The following MACROD2 variants were observed in gnomAD, a reference collection of about 807,000 sequenced individuals.
MACROD2 encodes the protein ADP-ribose glycohydrolase MACROD2.
Under a neutral mutation model 70.4 loss-of-function variants are expected in MACROD2, and 36 were observed. That is an observed-to-expected ratio of 0.51 (90% CI 0.39 to 0.68). MACROD2 has a LOEUF of 0.68. Among genes scored for constraint, MACROD2 ranks in the 30% least tolerant of loss-of-function variants. The pLI is 0.00. For synonymous variants in MACROD2, 172 were observed against 178.8 expected (o/e 0.96, Z 0.30); for missense variants, 496 against 538.4 (o/e 0.92, Z 0.78).
chr20:14,152,068 G>C (rs894863491), intron 3 of MACROD2, among the ~76,000 whole-genome samples: 3 of 152,016 alleles, frequency 2.0e-5, no homozygotes, highest in African/African-American at 7.2e-5. Context: ...TGATCTGCCC[G>C]CGTCAGCCTC....
intron 5 of MACROD2, among the ~76,000 whole-genome samples, chr20:14,879,595 G>A (rs907707085): frequency 6.6e-6 from 1 of 152,188 alleles, no homozygotes; most frequent in Non-Finnish European, 1.5e-5. Flanking sequence ...ACATAAGCCT[G>A]CTTTGTTAGT....
intron 5 of MACROD2, among the ~76,000 whole-genome samples, chr20:14,878,288 C>T (rs187497997): frequency 1.9e-4 from 29 of 152,192 alleles, no homozygotes; most frequent in Non-Finnish European, 3.1e-4. Flanking sequence ...GCCTGTATGG[C>T]ATTTGTACGC....
At chr20:14,358,352 T>C (rs904372611) in intron 3 of MACROD2, among the ~76,000 whole-genome samples, 2 of 151,940 alleles carry the variant, frequency 1.3e-5, no homozygotes, top group African/African-American at 4.9e-5. Context: ...TTTTTATTCA[T>C]TGAACATATA....
At chr20:16,020,644 A>G (rs1341486196) in intron 15 of MACROD2, among the ~76,000 whole-genome samples, 3 of 150,464 alleles carry the variant, frequency 2.0e-5, no homozygotes, top group Admixed American at 1.3e-4. Context: ...TTGATTGTCT[A>G]TCTCATACTT....
chr20:15,288,609 T>A (rs1476802838), intron 6 of MACROD2, among the ~76,000 whole-genome samples: 1 of 152,134 alleles, frequency 6.6e-6, no homozygotes, highest in Non-Finnish European at 1.5e-5. Flanking sequence ...TGCTCCTTTT[T>A]CTCTTCCGGA....
chr20:15,111,040 G>T (rs912755057), intron 5 of MACROD2, among the ~76,000 whole-genome samples: 28 of 152,128 alleles, frequency 1.8e-4, no homozygotes, highest in African/African-American at 6.5e-4. Context: ...TGAAGTCACA[G>T]AGCCACAGAG....
At chr20:15,214,257 G>A (rs1196876050) in intron 5 of MACROD2, among the ~76,000 whole-genome samples, 1 of 152,130 alleles carries the variant, frequency 6.6e-6, no homozygotes, top group African/African-American at 2.4e-5. Context: ...ACCATATGCT[G>A]CTAGCAACTG....
intron 3 of MACROD2, among the ~76,000 whole-genome samples, chr20:14,272,096 C>A (rs2082201430): frequency 6.6e-6 from 1 of 151,902 alleles, no homozygotes; most frequent in Non-Finnish European, 1.5e-5. Context: ...GAGAACTTCC[C>A]CAATCTAGTA....
intron 8 of MACROD2, among the ~76,000 whole-genome samples, chr20:15,627,646 GC>G (rs913779307): frequency 6.6e-6 from 1 of 152,084 alleles, no homozygotes; most frequent in Admixed American, 6.5e-5. Context: ...GTTGGTGGGG[GC>G]CAGGTGGAGT....
In MACROD2 at chr20:15,505,389, G is replaced by A. The variant is rs1408459986; in HGVS notation, c.645+5542G>A. On this transcript the variant is annotated intron_variant, in intron 8 of 17. Coordinates refer to ENST00000684519, the MANE Select transcript of MACROD2 (RefSeq NM_001351661.2). ...ACCCTAAAGTACTGATCAAGGATTA[G>A]TTGTAACATGAAGGAAACCTGAACC... Among the ~76,000 whole-genome samples the A allele has an allele frequency of 3.3e-5, 5 of 152,150 alleles. No individual in the cohort carries two copies. In the East Asian group the frequency reaches 9.6e-4, roughly 29 times the overall value.
chr20:14,955,333 A>C, intron 5 of MACROD2, among the ~76,000 whole-genome samples: 1 of 144,202 alleles, frequency 6.9e-6, no homozygotes, highest in East Asian at 2.0e-4. Context: ...TATAACATAT[A>C]CTATATAATT....
At position 14,839,322 on chromosome 20, in the gene MACROD2, T is replaced by C. The variant is rs528980807; in HGVS notation, c.418+154363T>C. Among the ~76,000 whole-genome samples the C allele has an allele frequency of 2.6e-5, 4 of 152,246 alleles. No individual in the cohort carries two copies. The East Asian group carries it at 7.7e-4, about 29-fold the overall frequency. On this transcript the variant is annotated intron_variant, in intron 5 of 17. Coordinates refer to ENST00000684519, the MANE Select transcript of MACROD2 (RefSeq NM_001351661.2). Reference sequence around the variant, plus strand: ...TTAATACTTTAAAACACAAGTCTGATGGAATGAGAGATCGCATGAAAGAAT... The same window carrying C: ...TTAATACTTTAAAACACAAGTCTGACGGAATGAGAGATCGCATGAAAGAAT...
At chr20:14,804,124 G>A (rs1272529694) in intron 5 of MACROD2, among the ~76,000 whole-genome samples, 1 of 151,898 alleles carries the variant, frequency 6.6e-6, no homozygotes, top group Admixed American at 6.6e-5. Context: ...ATTTCATTCA[G>A]TTGACTAACA....
intron 7 of MACROD2, among the ~76,000 whole-genome samples, chr20:15,488,468 C>A (rs2047188374): frequency 6.6e-6 from 1 of 152,170 alleles, no homozygotes; most frequent in East Asian, 1.9e-4. Context: ...AGGGTGGACA[C>A]ACAATAACCA....
chr20:14,253,776 A>G (rs2082030968), intron 3 of MACROD2, among the ~76,000 whole-genome samples: 1 of 152,120 alleles, frequency 6.6e-6, no homozygotes, highest in Admixed American at 6.6e-5. Flanking sequence ...TTTGAACTTC[A>G]TAGGCCGTAA....
At chr20:14,834,094 G>T (rs2073001765) in intron 5 of MACROD2, among the ~76,000 whole-genome samples, 2 of 151,986 alleles carry the variant, frequency 1.3e-5, no homozygotes, top group Non-Finnish European at 2.9e-5. Context: ...ATATATTAGA[G>T]TGTTGCTATG....
intron 3 of MACROD2, among the ~76,000 whole-genome samples, chr20:14,171,936 T>TAA (rs1239183153): frequency 6.6e-6 from 1 of 152,230 alleles, no homozygotes; most frequent in African/African-American, 2.4e-5. Flanking sequence ...AGTAGAGTAT[T>TAA]AAAGTCCCAC....
At chr20:14,268,923 T>A (rs1468874796) in intron 3 of MACROD2, among the ~76,000 whole-genome samples, 2 of 152,170 alleles carry the variant, frequency 1.3e-5, no homozygotes, top group African/African-American at 2.4e-5. Flanking sequence ...AATATCAACA[T>A]CATGGTTGAA....
At chr20:14,914,983 AT>A (rs983240411) in intron 5 of MACROD2, among the ~76,000 whole-genome samples, 1 of 152,176 alleles carries the variant, frequency 6.6e-6, no homozygotes, top group Non-Finnish European at 1.5e-5. Flanking sequence ...GATTCGACTG[AT>A]TTTTTTAAAA....
Sources: allele counts gnomAD v4.1 joint callset (sites outside exome capture counted in the v4.1 genomes callset), GRCh38; gene constraint gnomAD v4.1.1; transcripts MANE v1.5; gene names NCBI Gene and HGNC (gene_info 2026-07-23, HGNC 2026-07-21).